TSGA10: variants seen among roughly 807,000 people sequenced by gnomAD.
TSGA10 encodes testis-specific gene 10 protein.
In TSGA10, 43 loss-of-function variants were observed where a neutral mutation model predicts 96.6. The ratio of observed to expected loss-of-function variants is 0.44; its 90% confidence interval spans 0.35 to 0.57. TSGA10 has a LOEUF of 0.57. Among genes scored for constraint, TSGA10 ranks in the 20% least tolerant of loss-of-function variants. The pLI is 0.01. For missense variants in TSGA10, 703 were observed against 834.4 expected (o/e 0.84, Z 1.94); for synonymous variants, 229 against 269.9 (o/e 0.85, Z 1.48).
intron 20 of TSGA10, among the ~76,000 whole-genome samples, chr2:99,017,330 A>C (rs1376258713): frequency 1.3e-5 from 2 of 152,262 alleles, no homozygotes; most frequent in Non-Finnish European, 2.9e-5. Flanking sequence ...AGCCATAAAA[A>C]GGAACGAAAT....
At position 99,133,950 on chromosome 2, in the gene TSGA10, C is replaced by T. The variant is rs541041013; in HGVS notation, c.-620-6774G>A. Among the ~76,000 whole-genome samples the T allele has an allele frequency of 4.6e-5, 7 of 152,258 alleles. No individual in the cohort carries two copies. In the East Asian group the frequency reaches 1.4e-3, roughly 29 times the overall value. On this transcript the variant is annotated intron_variant, in intron 1 of 20. Transcript: ENST00000393483. ...GGCTTGTAGGGTTTCTGCAGAGAGA[C>T]CCAATGTTAGTCTGATAGGCTTCCC...
Position 99,074,029 on chromosome 2 carries a change from T to TTTTTTTTG in TSGA10, c.883-957_883-956insCAAAAAAA, listed in dbSNP as rs1241657890. ...TTTTTTTTTTTTTTTTTTTTTTTTTTGAGATGGAGTTTTGCTCTTGATGCC... is the reference window on the plus strand; with the variant it reads ...TTTTTTTTTTTTTTTTTTTTTTTTTTTTTTTTTGGAGATGGAGTTTTGCTCTTGATGCC... On this transcript the variant is annotated intron_variant, in intron 12 of 20. Transcript: ENST00000393483. 1.2e-4 allele frequency among the ~76,000 whole-genome samples: 16 copies of TTTTTTTTG among 136,844 alleles called. 1 individual carries two copies. Among genetic ancestry groups the TTTTTTTTG allele is most frequent in the African/African-American group, 3.7e-4 (13 of 35,060 alleles). The allele number at this position is 136,844 out of a possible 152,430, so 89.8% of individuals were successfully genotyped here. A position where few individuals can be genotyped will look rare whatever the true frequency, so the allele number is the denominator to read the frequency against.
intron 1 of TSGA10, chr2:99,150,726 C>T: frequency 2.5e-6 from 4 of 1,613,936 alleles, no homozygotes; most frequent in Non-Finnish European, 3.4e-6. Context: ...ATCAAGAAAA[C>T]TTTACAAGGA....
chr2:99,030,956 A>T (rs1302866014), intron 17 of TSGA10, among the ~76,000 whole-genome samples: 1 of 152,112 alleles, frequency 6.6e-6, no homozygotes, highest in African/African-American at 2.4e-5. Context: ...TTCCTATCAA[A>T]ATTCAAGCAG....
intron 1 of TSGA10, among the ~76,000 whole-genome samples, chr2:99,132,797 G>A (rs2093155478): frequency 6.6e-6 from 1 of 152,234 alleles, no homozygotes; most frequent in Non-Finnish European, 1.5e-5. Context: ...CAGAGATTCT[G>A]GTATGTTGTG....
chr2:99,146,415 C>T (rs1335667591), intron 1 of TSGA10, among the ~76,000 whole-genome samples: 1 of 152,130 alleles, frequency 6.6e-6, no homozygotes. Context: ...GAAAATATCT[C>T]CTTCCAGTCT....
intron 10 of TSGA10, among the ~76,000 whole-genome samples, chr2:99,103,010 ATT>A (rs1306560300): frequency 6.6e-6 from 1 of 151,710 alleles, no homozygotes; most frequent in Non-Finnish European, 1.5e-5. Context: ...CATGCTAAAT[ATT>A]CTTTCCTAAT....
intron 20 of TSGA10, among the ~76,000 whole-genome samples, chr2:99,015,106 T>C (rs991675344): frequency 2.0e-5 from 3 of 152,158 alleles, no homozygotes; most frequent in Non-Finnish European, 2.9e-5. Context: ...CTGCACAAGA[T>C]AGAGAAAGAC....
intron 15 of TSGA10, among the ~76,000 whole-genome samples, chr2:99,067,722 A>G (rs943855875): frequency 3.9e-5 from 6 of 152,098 alleles, no homozygotes; most frequent in East Asian, 3.9e-4. Flanking sequence ...GCATGGTTGC[A>G]TGCACCTGTA....
intron 1 of TSGA10, 69 bp from the exon 2 acceptor site, chr2:99,127,245 A>C (rs1223270308): frequency 1.8e-6 from 2 of 1,091,008 alleles, no homozygotes; most frequent in Admixed American, 4.5e-5. Context: ...TCTTACATCA[A>C]TACATTTTGA....
At chr2:99,070,336 C>T (rs141590046) in intron 14 of TSGA10, among the ~76,000 whole-genome samples, 89 of 152,102 alleles carry the variant, frequency 5.9e-4, no homozygotes, top group African/African-American at 1.9e-3. Flanking sequence ...TGATCACACA[C>T]GCAGAGAGCA....
At chr2:99,049,164 C>A (rs969428954) in intron 16 of TSGA10, among the ~76,000 whole-genome samples, 7 of 152,176 alleles carry the variant, frequency 4.6e-5, no homozygotes, top group African/African-American at 1.7e-4. Flanking sequence ...TTGTGGAAGA[C>A]AGTGTGGTGA....
chr2:99,141,499 T>C (rs1031541012), intron 1 of TSGA10: 3 of 156,106 alleles, frequency 1.9e-5, no homozygotes, highest in South Asian at 1.6e-4. Flanking sequence ...GACGCGTACG[T>C]CTACCTGCCT....
At chr2:99,138,947 G>A (rs796352146) in intron 1 of TSGA10, among the ~76,000 whole-genome samples, 17 of 152,188 alleles carry the variant, frequency 1.1e-4, no homozygotes, top group African/African-American at 3.6e-4. Flanking sequence ...GTATTGCCCC[G>A]ACACAAGAAA....
At position 99,018,870 on chromosome 2, in the gene TSGA10, A is replaced by G. The variant is rs571148354; in HGVS notation, c.1818-230T>C. Among the ~76,000 whole-genome samples, 158 of 152,286 alleles carry G rather than the reference A, an allele frequency of 1.0e-3. 2 individuals are homozygous for G. Among genetic ancestry groups the G allele is most frequent in the Non-Finnish European group, 1.2e-3 (80 of 68,024 alleles). On this transcript the variant is annotated intron_variant, in intron 18 of 20. Transcript: ENST00000393483. ...CAATCCCAGTCCCATTTAATTAGTT[A>G]ATCCTTCTCTGTTTCAGCTTCCCTG...
chr2:99,044,900 G>A (rs1429418358), intron 16 of TSGA10, among the ~76,000 whole-genome samples: 2 of 152,070 alleles, frequency 1.3e-5, no homozygotes, highest in African/African-American at 4.8e-5. Context: ...ACAACTACAT[G>A]GAAACTGAAC....
intron 1 of TSGA10, among the ~76,000 whole-genome samples, chr2:99,143,604 G>A (rs1316867175): frequency 1.3e-5 from 2 of 151,910 alleles, no homozygotes; most frequent in Non-Finnish European, 2.9e-5. Context: ...TTGAGTAGCT[G>A]GGACCACAGG....
At chr2:99,061,612 C>T (rs1203174311) in intron 16 of TSGA10, among the ~76,000 whole-genome samples, 1 of 151,900 alleles carries the variant, frequency 6.6e-6, no homozygotes, top group Non-Finnish European at 1.5e-5. Flanking sequence ...GCATACTTAC[C>T]ATATAATCCA....
chr2:99,081,177 G>A (rs2087434097), intron 11 of TSGA10, 105 bp downstream of exon 11: 1 of 520,100 alleles, frequency 1.9e-6, no homozygotes, highest in Non-Finnish European at 3.3e-6. Flanking sequence ...ACTTAGTTAA[G>A]GGCTTGTTTC....
Sources: gnomAD v4.1 joint callset for allele counts (sites outside exome capture counted in the v4.1 genomes callset) on GRCh38, gnomAD v4.1.1 for gene constraint, MANE v1.5 for transcripts, NCBI Gene and HGNC (gene_info 2026-07-23, HGNC 2026-07-21) for gene names.